Variants in NT5C3A observed in about 807,000 individuals in gnomAD.
NT5C3A encodes the protein cytosolic 5'-nucleotidase 3A.
Under a neutral mutation model 40.0 loss-of-function variants are expected in NT5C3A, and 23 were observed. That is an observed-to-expected ratio of 0.58 (90% confidence interval 0.41 to 0.81). NT5C3A has a LOEUF of 0.81. NT5C3A is among the 40% of genes least tolerant of loss of function. The probability of loss-of-function intolerance (pLI) is 0.00; values close to 1 mark genes in which losing one functional copy is unlikely to be tolerated. For synonymous variants in NT5C3A, 130 were observed against 141.4 expected, an observed-to-expected ratio of 0.92 and a Z score of 0.57; for missense variants, 328 against 403.0, an observed-to-expected ratio of 0.81 and a Z score of 1.59.
intron 1 of NT5C3A, chr7:33,038,797 G>C (rs1390648111): frequency 1.5e-5 from 7 of 455,148 alleles, no homozygotes; most frequent in Non-Finnish European, 3.1e-5. Flanking sequence ...CCTATACCTG[G>C]TATATAAAGT....
chr7:33,034,023 T>G (rs952458894), intron 1 of NT5C3A, among the ~76,000 whole-genome samples: 1 of 151,532 alleles, frequency 6.6e-6, no homozygotes, highest in Non-Finnish European at 1.5e-5. Context: ...CCCGAGTAGC[T>G]GGGACTACAG....
chr7:33,029,948 C>T (rs1002267330), intron 1 of NT5C3A, among the ~76,000 whole-genome samples: 1 of 152,144 alleles, frequency 6.6e-6, no homozygotes, highest in African/African-American at 2.4e-5. Flanking sequence ...AACATACAAC[C>T]ATTCATTTTC....
chr7:33,015,893 G>T, intron 7 of NT5C3A, 23 bp from the exon 8 acceptor site: 1 of 1,487,396 alleles, frequency 6.7e-7, no homozygotes, highest in Non-Finnish European at 9.4e-7. Flanking sequence ...TAAATCTTTT[G>T]AACAGGCTTT....
chr7:33,023,738 T>A (rs369666240), intron 3 of NT5C3A: 1 of 291,948 alleles, frequency 3.4e-6, no homozygotes, highest in East Asian at 7.1e-5. Context: ...TGGTGTTTCT[T>A]CAGGTTAACC....
intron 1 of NT5C3A, among the ~76,000 whole-genome samples, chr7:33,044,392 A>AC (rs1415852077): frequency 1.4e-5 from 1 of 71,850 alleles, no homozygotes; most frequent in Middle Eastern, 5.2e-3. Context: ...CACTTAAAAA[A>AC]ATTTTTTTTG....
intron 1 of NT5C3A, among the ~76,000 whole-genome samples, chr7:33,050,164 T>C (rs1316354804): frequency 6.6e-6 from 1 of 152,086 alleles, no homozygotes; most frequent in African/African-American, 2.4e-5. Context: ...CTAGACTGTG[T>C]TTTAAGGACT....
intron 7 of NT5C3A, chr7:33,017,125 A>G (rs1380434279): frequency 6.8e-6 from 2 of 294,682 alleles, no homozygotes; most frequent in African/African-American, 4.4e-5. Context: ...AGAGGTTACA[A>G]TGTGCTGAGA....
chr7:33,047,413 T>C (rs1787198711), intron 1 of NT5C3A, among the ~76,000 whole-genome samples: 1 of 152,202 alleles, frequency 6.6e-6, no homozygotes, highest in Non-Finnish European at 1.5e-5. Context: ...TATTTTGAGA[T>C]TTAAATTCAT....
At chr7:33,045,918 C>T (rs1787126584) in intron 1 of NT5C3A, 1 of 152,438 alleles carries the variant, frequency 6.6e-6, no homozygotes, top group Non-Finnish European at 1.5e-5. Context: ...GCTAGTTCAC[C>T]CCTCCTCAGG....
At chr7:33,022,694 T>C (rs919511003) in intron 3 of NT5C3A, among the ~76,000 whole-genome samples, 3 of 152,214 alleles carry the variant, frequency 2.0e-5, no homozygotes, top group African/African-American at 7.2e-5. Flanking sequence ...GTCTGCATTT[T>C]TCCATGTAAT....
At chr7:33,036,800 TA>T (rs1253996594) in intron 1 of NT5C3A, among the ~76,000 whole-genome samples, 3 of 152,010 alleles carry the variant, frequency 2.0e-5, no homozygotes, top group South Asian at 2.1e-4. Context: ...ATTTTATTTT[TA>T]TTTTTTTATT....
intron 6 of NT5C3A, among the ~76,000 whole-genome samples, 172 bp downstream of exon 6, chr7:33,019,463 G>A (rs905684069): frequency 6.6e-6 from 1 of 151,956 alleles, no homozygotes; most frequent in Non-Finnish European, 1.5e-5. Context: ...GATCTAATAC[G>A]TCATTCTAAA....
intron 1 of NT5C3A, among the ~76,000 whole-genome samples, chr7:33,061,127 T>C (rs1787757100): frequency 6.6e-6 from 1 of 152,206 alleles, no homozygotes; most frequent in South Asian, 2.1e-4. Flanking sequence ...CAATCCATAG[T>C]TTAAGCACAG....
chr7:33,059,087 C>T (rs936962209), intron 1 of NT5C3A, among the ~76,000 whole-genome samples: 2 of 152,176 alleles, frequency 1.3e-5, no homozygotes, highest in East Asian at 1.9e-4. Flanking sequence ...CTTGGCATTG[C>T]CAAGTTTTCT....
chr7:33,020,249 C>T (rs979998149), intron 5 of NT5C3A, among the ~76,000 whole-genome samples: 2 of 151,998 alleles, frequency 1.3e-5, no homozygotes, highest in African/African-American at 4.8e-5. Context: ...ACTCTCTAAC[C>T]CATTACAATT....
chr7:33,036,086 TAA>T lies in NT5C3A; in HGVS notation c.139-9173_139-9172del, dbSNP rs1786589333. On this transcript the variant is annotated intron_variant, in intron 1 of 8. Transcript: ENST00000610140. Reference sequence around the variant, plus strand: ...TCTTCCTGTTATGCCAATAATATATTAAGGTGGAATTTTTGGTATGACTTATT... The same window carrying T: ...TCTTCCTGTTATGCCAATAATATATTGGTGGAATTTTTGGTATGACTTATT... 1.2e-5 allele frequency: 11 copies of T among 898,806 alleles called. No individual in the cohort carries two copies. In the Middle Eastern group the frequency reaches 2.4e-3, roughly 197 times the overall value. 55.7% of individuals were successfully genotyped at this position (898,806 alleles called of 1,614,324 possible).
chr7:33,032,423 C>CAA (rs34501041), intron 1 of NT5C3A, among the ~76,000 whole-genome samples: 62,325 of 94,264 alleles, frequency 0.66, 19,676 homozygotes, highest in Admixed American at 0.69. Context: ...ACTCGGTCTC[C>CAA]AAAAAAAAAA....
chr7:33,046,262 G>A (rs577795741), intron 1 of NT5C3A, among the ~76,000 whole-genome samples: 1 of 152,154 alleles, frequency 6.6e-6, no homozygotes, highest in South Asian at 2.1e-4. Flanking sequence ...CTAGGCCTGG[G>A]GCTGAGGCTC....
intron 1 of NT5C3A, among the ~76,000 whole-genome samples, chr7:33,056,941 A>G (rs1787594372): frequency 6.6e-6 from 1 of 151,962 alleles, no homozygotes; most frequent in Non-Finnish European, 1.5e-5. Context: ...CCTCCCGAGT[A>G]GCTGGGATTA....
Sources: allele counts gnomAD v4.1 joint callset (sites outside exome capture counted in the v4.1 genomes callset), GRCh38; gene constraint gnomAD v4.1.1; transcripts MANE v1.5; gene names NCBI Gene and HGNC (gene_info 2026-07-23, HGNC 2026-07-21).